The following MAST4 variants were observed in gnomAD, a reference collection of about 807,000 sequenced individuals.
MAST4 encodes microtubule associated serine/threonine kinase family member 4, also known as microtubule-associated serine/threonine-protein kinase 4.
A neutral mutation model predicts 162.7 loss-of-function variants in MAST4; 89 were observed. The observed-to-expected ratio is 0.55, with a 90% CI of 0.46 to 0.65. The LOEUF (loss-of-function observed/expected upper bound fraction) is 0.65, where lower values mean the gene tolerates loss of function less well. MAST4 is among the 30% of genes least tolerant of loss of function. The pLI, the probability that MAST4 is intolerant of heterozygous loss-of-function variation, is 0.00. For synonymous variants in MAST4, 1,479 were observed against 1,361.1 expected (o/e 1.09, Z -1.91); for missense variants, 3,153 against 3,374.0 (o/e 0.93, Z 1.62).
intron 5 of MAST4, among the ~76,000 whole-genome samples, chr5:67,069,979 G>T (rs746355967): frequency 2.6e-4 from 39 of 150,148 alleles, no homozygotes; most frequent in Non-Finnish European, 4.7e-4. Flanking sequence ...TCTTAAATAG[G>T]CCAAATGCAG....
At chr5:66,939,474 T>G (rs1280626984) in intron 4 of MAST4, among the ~76,000 whole-genome samples, 1 of 152,222 alleles carries the variant, frequency 6.6e-6, no homozygotes, top group African/African-American at 2.4e-5. Flanking sequence ...TTAATTTAAT[T>G]TGAATTTCAC....
Position 66,596,746 on chromosome 5 carries a change from G to A in MAST4, c.91G>A (p.Ala31Thr). 7.1e-7 allele frequency: 1 copy of A among 1,407,100 alleles called. No individual in the cohort carries two copies. Among genetic ancestry groups the A allele is most frequent in the South Asian group, 1.7e-5 (1 of 57,456 alleles). The allele number at this position is 1,407,100 out of a possible 1,614,324, so 87.2% of individuals were successfully genotyped here. A position where few individuals can be genotyped will look rare whatever the true frequency, so the allele number is the denominator to read the frequency against. The part of the protein sequence containing the change: ...SRTPASALVA[A>T]SSPGASSAES... ...GACTCCAGCCTCTGCGCTGGTCGCC[G>A]CGTCCTCTCCGGGTGCTTCCTCGGC... Residue 31 changes from alanine (A) to threonine (T), a missense_variant, in exon 1 of 29, where the codon GCG becomes ACG. Around this residue, in one of 7 missense-constraint regions of MAST4, gnomAD observed 327 missense variants for 336.5 expected, o/e 0.97. Transcript: ENST00000403625.
chr5:67,120,709 G>A (rs1055512945), intron 13 of MAST4, among the ~76,000 whole-genome samples: 5 of 152,150 alleles, frequency 3.3e-5, no homozygotes, highest in Non-Finnish European at 5.9e-5. Context: ...GCATTTTGGA[G>A]TTAAATTCCA....
chr5:66,963,647 C>CTATG, intron 4 of MAST4: 1 of 776,274 alleles, frequency 1.3e-6, no homozygotes, highest in Non-Finnish European at 2.4e-6. Flanking sequence ...CTTAACTGAG[C>CTATG]TATGCTATTT....
intron 1 of MAST4, among the ~76,000 whole-genome samples, chr5:66,704,965 C>G (rs530290572): frequency 3.9e-5 from 6 of 152,168 alleles, no homozygotes; most frequent in Non-Finnish European, 8.8e-5. Flanking sequence ...GGTCACTCAA[C>G]CCAGCAGGAG....
intron 25 of MAST4, among the ~76,000 whole-genome samples, 162 bp downstream of exon 25, chr5:67,153,028 T>A (rs1389873055): frequency 6.6e-6 from 1 of 152,274 alleles, no homozygotes; most frequent in Admixed American, 6.5e-5. Context: ...TATGGTGGAA[T>A]TGAATTTAGC....
chr5:67,165,412 G>C lies in MAST4; in HGVS notation c.6233G>C (p.Gly2078Ala), dbSNP rs759130057. 1 of 1,613,886 alleles carries C rather than the reference G, an allele frequency of 6.2e-7. No individual in the cohort carries two copies. Among genetic ancestry groups the C allele is most frequent in the Admixed American group, 1.7e-5 (1 of 60,028 alleles). The change falls in exon 29 of 29, where the codon GGC becomes GCC. Residue 2078 changes from glycine to alanine, a missense_variant. This residue lies in a region of MAST4 where 1,644 missense variants were observed against 1,495.0 expected (regional missense o/e 1.10). Transcript: ENST00000403625. ...AAGGAGCTGGGCAAGGTGAGGCGTGGCGTGGAACCCAAGCCCGAAGCGCTT... is the reference window on the plus strand; with the variant it reads ...AAGGAGCTGGGCAAGGTGAGGCGTGCCGTGGAACCCAAGCCCGAAGCGCTT... The part of the protein sequence containing the change: ...CEKELGKVRR[G>A]VEPKPEALLA...
chr5:66,695,354 A>C (rs867577291), intron 1 of MAST4, among the ~76,000 whole-genome samples: 1 of 152,104 alleles, frequency 6.6e-6, no homozygotes, highest in Non-Finnish European at 1.5e-5. Context: ...TGAGACCTCT[A>C]TTCTGTTCCA....
In MAST4 at chr5:66,942,704, A is replaced by G. The variant is rs373781251; in HGVS notation, c.674+42722A>G. ...TGATCTCTTCCTGTCATGATAAAGT[A>G]GCCATGATCGATGTCATGCTTCCAA... On this transcript the variant is annotated intron_variant, in intron 4 of 28. Transcript: ENST00000403625. Among the ~76,000 whole-genome samples, 4 of 152,282 alleles carry G rather than the reference A, an allele frequency of 2.6e-5. No homozygotes were observed. In the East Asian group the frequency reaches 7.7e-4, roughly 29 times the overall value.
Position 66,835,439 on chromosome 5 carries a change from C to T in MAST4, c.642+46645C>T, listed in dbSNP as rs575917925. On this transcript the variant is annotated intron_variant, in intron 3 of 28. Coordinates refer to ENST00000403625, the MANE Select transcript of MAST4 (RefSeq NM_001164664.2). Reference sequence around the variant, plus strand: ...TTGTTAATCTTATGGTCCCTTTTTACGAGTAGTGTGGTTTTATTTATTATA... The same window carrying T: ...TTGTTAATCTTATGGTCCCTTTTTATGAGTAGTGTGGTTTTATTTATTATA... Among the ~76,000 whole-genome samples, 10 of 152,026 alleles carry T rather than the reference C, an allele frequency of 6.6e-5. 1 individual carries two copies. The highest frequency in any genetic ancestry group is 1.9e-4 in the East Asian group (1 of 5,168).
intron 4 of MAST4, among the ~76,000 whole-genome samples, chr5:67,002,778 T>C (rs1367906078): frequency 6.6e-6 from 1 of 152,000 alleles, no homozygotes; most frequent in Admixed American, 6.6e-5. Flanking sequence ...TTTAAGGTCA[T>C]AGTAAGTGTT....
chr5:67,062,255 G>A (rs955061310), intron 5 of MAST4, among the ~76,000 whole-genome samples: 3 of 152,076 alleles, frequency 2.0e-5, no homozygotes, highest in Admixed American at 6.6e-5. Flanking sequence ...AAAATTAGCC[G>A]GGCGTGGTGG....
chr5:67,038,497 G>A (rs924569260), intron 4 of MAST4, among the ~76,000 whole-genome samples: 4 of 152,088 alleles, frequency 2.6e-5, no homozygotes, highest in African/African-American at 9.7e-5. Context: ...GAGTAACGTG[G>A]CTACTTACAC....
At chr5:66,806,170 T>C (rs928923275) in intron 3 of MAST4, among the ~76,000 whole-genome samples, 1 of 152,170 alleles carries the variant, frequency 6.6e-6, no homozygotes, top group Non-Finnish European at 1.5e-5. Flanking sequence ...AAGGATGTGC[T>C]CAAAGGGAGA....
chr5:66,944,980 T>C (rs1356456356), intron 4 of MAST4, among the ~76,000 whole-genome samples: 2 of 152,138 alleles, frequency 1.3e-5, no homozygotes, highest in Non-Finnish European at 1.5e-5. Context: ...ATCCCATCCT[T>C]TCCACAGGAT....
intron 1 of MAST4, among the ~76,000 whole-genome samples, chr5:66,751,415 A>G (rs1753158585): frequency 6.6e-6 from 1 of 152,180 alleles, no homozygotes; most frequent in Non-Finnish European, 1.5e-5. Flanking sequence ...AGAAGAATGT[A>G]TAACTAGAAT....
chr5:66,708,449 A>G (rs544810276), intron 1 of MAST4, among the ~76,000 whole-genome samples: 2 of 152,324 alleles, frequency 1.3e-5, no homozygotes, highest in South Asian at 4.1e-4. Flanking sequence ...AGAATCTGGT[A>G]GTGGAGCCCA....
intron 3 of MAST4, among the ~76,000 whole-genome samples, chr5:66,878,798 C>T: frequency 6.6e-6 from 1 of 152,224 alleles, no homozygotes; most frequent in East Asian, 1.9e-4. Flanking sequence ...GAAGAGTGTT[C>T]ATTCTCCTTA....
At chr5:66,967,996 C>T (rs550488170) in intron 4 of MAST4, among the ~76,000 whole-genome samples, 2 of 152,110 alleles carry the variant, frequency 1.3e-5, no homozygotes, top group Non-Finnish European at 2.9e-5. Flanking sequence ...AGATGTGACT[C>T]GTGCCAGCTC....
Sources: allele counts gnomAD v4.1 joint callset (sites outside exome capture counted in the v4.1 genomes callset), GRCh38; gene constraint gnomAD v4.1.1; regional missense constraint gnomAD v4.1.1; transcripts MANE v1.5; gene names NCBI Gene and HGNC (gene_info 2026-07-23, HGNC 2026-07-21).